ZPBP: variants seen among roughly 807,000 people sequenced by gnomAD.
ZPBP encodes the protein zona pellucida-binding protein 1.
A neutral mutation model predicts 44.8 loss-of-function variants in ZPBP; 26 were observed. That is an observed-to-expected ratio of 0.58 (90% CI 0.43 to 0.81). The LOEUF (loss-of-function observed/expected upper bound fraction) is 0.81. Ranked by LOEUF, ZPBP falls within the 30% of genes least tolerant of loss-of-function variation. The pLI is 0.00. For synonymous variants in ZPBP, 174 were observed against 153.2 expected, an observed-to-expected ratio of 1.14 and a Z score of -1.00; for missense variants, 409 against 434.0, an observed-to-expected ratio of 0.94 and a Z score of 0.51.
intron 4 of ZPBP, among the ~76,000 whole-genome samples, chr7:50,048,949 A>G (rs957788016): frequency 1.3e-5 from 2 of 152,024 alleles, no homozygotes; most frequent in Non-Finnish European, 2.9e-5. Context: ...ATTTACAAAA[A>G]CAAGAGATAG....
At chr7:50,072,203 T>C (rs1297005721) in intron 3 of ZPBP, among the ~76,000 whole-genome samples, 1 of 152,120 alleles carries the variant, frequency 6.6e-6, no homozygotes, top group Non-Finnish European at 1.5e-5. Flanking sequence ...ACATTGGTGG[T>C]AGTTGGCAAT....
chr7:49,933,435 C>A (rs981310536), downstream of ZPBP, among the ~76,000 whole-genome samples: 5 of 152,148 alleles, frequency 3.3e-5, no homozygotes, highest in African/African-American at 9.7e-5. Context: ...GAAATAGGAA[C>A]AATTTTACAC....
downstream of ZPBP, among the ~76,000 whole-genome samples, chr7:49,933,437 A>C (rs1035508070): frequency 1.3e-5 from 2 of 152,188 alleles, no homozygotes; most frequent in Non-Finnish European, 2.9e-5. Flanking sequence ...AATAGGAACA[A>C]TTTTACACTG....
chr7:49,897,713 T>C (rs1255671267), intron 2 of ZPBP, among the ~76,000 whole-genome samples: 1 of 152,148 alleles, frequency 6.6e-6, no homozygotes, highest in Non-Finnish European at 1.5e-5. Flanking sequence ...GGAACCAGTA[T>C]TGGGTTAGGA....
At chr7:49,896,192 T>C (rs1295568309) in intron 2 of ZPBP, among the ~76,000 whole-genome samples, 1 of 151,978 alleles carries the variant, frequency 6.6e-6, no homozygotes, top group Non-Finnish European at 1.5e-5. Flanking sequence ...AATACAAAAA[T>C]TAGTCAGGTT....
At chr7:50,041,607 C>T (rs1472510009) in intron 4 of ZPBP, among the ~76,000 whole-genome samples, 1 of 152,112 alleles carries the variant, frequency 6.6e-6, no homozygotes, top group Non-Finnish European at 1.5e-5. Context: ...GGAGTAGCAT[C>T]GACATCAACA....
intron 5 of ZPBP, among the ~76,000 whole-genome samples, chr7:50,027,771 G>A (rs776530636): frequency 2.0e-5 from 3 of 151,870 alleles, no homozygotes; most frequent in Non-Finnish European, 2.9e-5. Context: ...AGGATAACAA[G>A]AGAACAATAT....
chr7:49,841,354 A>G, the ZPBP span, among the ~76,000 whole-genome samples: 1 of 152,076 alleles, frequency 6.6e-6, no homozygotes, highest in East Asian at 1.9e-4. Context: ...AAAAGCAGTA[A>G]ACAGAACAGT....
chr7:49,854,741 G>A (rs566647151), intron 2 of ZPBP, among the ~76,000 whole-genome samples: 18 of 152,270 alleles, frequency 1.2e-4, no homozygotes, highest in Admixed American at 9.2e-4. Flanking sequence ...GTCAATTTTA[G>A]CTTTTGTTGC....
intron 7 of ZPBP, among the ~76,000 whole-genome samples, chr7:49,969,830 G>A (rs1038215454): frequency 1.2e-5 from 1 of 84,962 alleles, no homozygotes; most frequent in Non-Finnish European, 2.6e-5. Flanking sequence ...GAGAGAGAGA[G>A]AGAGAGAGAG....
intron 2 of ZPBP, among the ~76,000 whole-genome samples, chr7:49,863,889 T>C (rs1347512266): frequency 1.3e-5 from 2 of 152,232 alleles, no homozygotes. Context: ...ATATAAGCAT[T>C]TATAGCCATA....
At chr7:50,013,497 T>C (rs1333617220) in intron 6 of ZPBP, among the ~76,000 whole-genome samples, 3 of 152,066 alleles carry the variant, frequency 2.0e-5, no homozygotes, top group African/African-American at 7.2e-5. Flanking sequence ...TTTATTATTA[T>C]ACTATTTCCA....
At chr7:49,991,882 T>C (rs1396586665) in intron 6 of ZPBP, among the ~76,000 whole-genome samples, 2 of 151,394 alleles carry the variant, frequency 1.3e-5, no homozygotes, top group Non-Finnish European at 2.9e-5. Context: ...GACACATTTC[T>C]ACAGTAAGAG....
At chr7:49,875,103 G>A in intron 2 of ZPBP, among the ~76,000 whole-genome samples, 1 of 151,866 alleles carries the variant, frequency 6.6e-6, no homozygotes, top group East Asian at 1.9e-4. Flanking sequence ...CGGGCACGGT[G>A]GCTCATGCCT....
intron 7 of ZPBP, among the ~76,000 whole-genome samples, chr7:49,981,608 AT>A (rs1209983656): frequency 8.8e-5 from 2 of 22,722 alleles, no homozygotes; most frequent in Non-Finnish European, 1.5e-4. Context: ...TATAAATTAT[AT>A]AATTATATTA....
intron 7 of ZPBP, among the ~76,000 whole-genome samples, chr7:49,959,345 C>T (rs1193353323): frequency 6.7e-6 from 1 of 149,496 alleles, no homozygotes; most frequent in Non-Finnish European, 1.5e-5. Flanking sequence ...AAAGGATCTA[C>T]AAAATAATTA....
intron 4 of ZPBP, chr7:50,056,247 C>A (rs996527026): frequency 6.6e-6 from 1 of 152,170 alleles, no homozygotes; most frequent in African/African-American, 2.4e-5. Context: ...AAGCTGTATT[C>A]ATTCTGAAAG....
intron 3 of ZPBP, among the ~76,000 whole-genome samples, chr7:50,080,640 T>A (rs1267554390): frequency 6.6e-6 from 1 of 151,792 alleles, no homozygotes. Flanking sequence ...GTAAAACATA[T>A]TTAAAACACA....
intron 5 of ZPBP, among the ~76,000 whole-genome samples, chr7:50,019,682 T>C (rs1798997131): frequency 6.6e-6 from 1 of 152,104 alleles, no homozygotes; most frequent in Non-Finnish European, 1.5e-5. Context: ...TTTAAACATA[T>C]TTCTTTCATA....
Sources: gnomAD v4.1 joint callset for allele counts (sites outside exome capture counted in the v4.1 genomes callset) on GRCh38, gnomAD v4.1.1 for gene constraint, MANE v1.5 for transcripts, NCBI Gene and HGNC (gene_info 2026-07-23, HGNC 2026-07-21) for gene names.